The following BCAS4 variants were observed in gnomAD, a reference collection of about 807,000 sequenced individuals.
The protein encoded by BCAS4 is breast carcinoma amplified sequence 4.
A neutral mutation model predicts 15.7 loss-of-function variants in BCAS4; 9 were observed. That is an observed-to-expected ratio of 0.57 (90% CI 0.34 to 1.00). BCAS4 has a LOEUF of 1.00. Among genes scored for constraint, BCAS4 ranks in the 50% least tolerant of loss-of-function variants. The pLI is 0.02. For missense variants in BCAS4, 225 were observed against 239.1 expected, an observed-to-expected ratio of 0.94 and a Z score of 0.39; for synonymous variants, 101 against 99.5, an observed-to-expected ratio of 1.02 and a Z score of -0.09.
chr20:50,868,770 A>G (rs1410998645), intron 4 of BCAS4, among the ~76,000 whole-genome samples: 1 of 152,116 alleles, frequency 6.6e-6, no homozygotes, highest in Non-Finnish European at 1.5e-5. Flanking sequence ...AGCTCAGCAC[A>G]TTTACTCTCT....
downstream of BCAS4, chr20:50,881,126 G>A (rs1056732571): frequency 6.6e-6 from 1 of 152,124 alleles, no homozygotes; most frequent in Non-Finnish European, 1.5e-5. Flanking sequence ...CCAGCTACTT[G>A]GTGGGAGGTG....
chr20:50,845,232 T>A (rs1236767156), intron 4 of BCAS4, among the ~76,000 whole-genome samples: 3 of 152,108 alleles, frequency 2.0e-5, no homozygotes, highest in Admixed American at 2.0e-4. Context: ...GGCCCAGAGC[T>A]GGTGCCCTGC....
chr20:50,821,387 C>T (rs941074682), intron 2 of BCAS4, among the ~76,000 whole-genome samples: 10 of 152,210 alleles, frequency 6.6e-5, no homozygotes, highest in Middle Eastern at 3.2e-3. Flanking sequence ...TGCATGGGCA[C>T]GCTGTGCCAA....
downstream of BCAS4, chr20:50,881,317 A>G (rs1168504434): frequency 6.6e-6 from 1 of 152,222 alleles, no homozygotes. Flanking sequence ...AAAGAGGTCA[A>G]TTTGATTATA....
chr20:50,828,944 G>A lies in BCAS4; in HGVS notation c.163-1335G>A, dbSNP rs569977502. ...AACAGCTCATCCTCAGTATCCCAGC[G>A]AAAGAAGGACCATCGTCTTGCACCA... On this transcript the variant is annotated intron_variant, in intron 2 of 4. Transcript: ENST00000371608. Among the ~76,000 whole-genome samples, 12 of 152,314 alleles carry A rather than the reference G, an allele frequency of 7.9e-5. No individual in the cohort carries two copies. The South Asian group carries it at 1.7e-3, about 21-fold the overall frequency.
intron 3 of BCAS4, among the ~76,000 whole-genome samples, chr20:50,839,071 T>C (rs1308135497): frequency 6.6e-6 from 1 of 152,120 alleles, no homozygotes; most frequent in Non-Finnish European, 1.5e-5. Context: ...TTCATGGTAT[T>C]ATTGAAGGAG....
intron 1 of BCAS4, 132 bp downstream of exon 1, chr20:50,795,305 G>C: frequency 1.2e-6 from 1 of 826,140 alleles, no homozygotes; most frequent in Non-Finnish European, 1.6e-6. Flanking sequence ...CCTTCCTGAA[G>C]GGTGGCTGCG....
At chr20:50,816,510 G>A (rs577195733) in intron 1 of BCAS4, among the ~76,000 whole-genome samples, 10 of 152,324 alleles carry the variant, frequency 6.6e-5, no homozygotes, top group African/African-American at 2.2e-4. Context: ...CTTGGAAAAT[G>A]GAAAGATCTG....
chr20:50,814,157 A>T (rs59629485), intron 1 of BCAS4, among the ~76,000 whole-genome samples: 1 of 151,900 alleles, frequency 6.6e-6, no homozygotes, highest in Non-Finnish European at 1.5e-5. Flanking sequence ...CCCTTTGCTG[A>T]CCAGACAGTC....
intron 4 of BCAS4, among the ~76,000 whole-genome samples, chr20:50,867,789 G>A (rs1048832389): frequency 1.6e-4 from 25 of 152,154 alleles, no homozygotes; most frequent in African/African-American, 5.8e-4. Context: ...TGGCGCACGC[G>A]TGTAATCCCA....
chr20:50,862,659 G>A (rs1466787357), intron 4 of BCAS4, among the ~76,000 whole-genome samples: 1 of 152,080 alleles, frequency 6.6e-6, no homozygotes, highest in African/African-American at 2.4e-5. Flanking sequence ...GGGGCACAGG[G>A]GACAGTCCAG....
At chr20:50,810,917 G>A (rs2088053985) in intron 1 of BCAS4, among the ~76,000 whole-genome samples, 1 of 152,116 alleles carries the variant, frequency 6.6e-6, no homozygotes, top group Non-Finnish European at 1.5e-5. Flanking sequence ...GTTAGATGGT[G>A]ATAAATGCTA....
chr20:50,830,335 A>G lies in BCAS4; in HGVS notation c.219A>G (p.Lys73=). The G allele has an allele frequency of 6.2e-7, 1 of 1,614,014 alleles. No homozygotes were observed. Among genetic ancestry groups the G allele is most frequent in the Non-Finnish European group, 8.5e-7 (1 of 1,179,958 alleles). The part of the protein sequence containing the change: ...LEENIPVLKA[K]LTEMRGIYAK... ...AAAACATCCCAGTCCTTAAGGCCAA[A>G]CTGACAGAAATGCGTGGCATCTATG... The change falls in exon 3 of 5, where the codon AAA becomes AAG. Residue 73 remains lysine (K), a synonymous_variant. Transcript: ENST00000371608.
chr20:50,868,759 T>C (rs1979484628), intron 4 of BCAS4, among the ~76,000 whole-genome samples: 1 of 152,256 alleles, frequency 6.6e-6, no homozygotes, highest in Non-Finnish European at 1.5e-5. Flanking sequence ...GCTTGAGTCC[T>C]AGCTCAGCAC....
At chr20:50,806,645 C>T (rs1264122186) in intron 1 of BCAS4, among the ~76,000 whole-genome samples, 1 of 152,130 alleles carries the variant, frequency 6.6e-6, no homozygotes, top group African/African-American at 2.4e-5. Context: ...GAGCCTCGCT[C>T]ACTGGCCTCT....
chr20:50,863,570 T>C lies in BCAS4; in HGVS notation c.400-12916T>C, dbSNP rs1979204274. Among the ~76,000 whole-genome samples the C allele has an allele frequency of 1.3e-5, 2 of 152,166 alleles. 1 individual carries two copies. Among genetic ancestry groups the C allele is most frequent in the South Asian group, 4.1e-4 (2 of 4,830 alleles). On this transcript the variant is annotated intron_variant, in intron 4 of 4. Transcript: ENST00000371608. ...ATCACACCCGGCCTAGTTGGTGCTA[T>C]TTTCAATACTTTTTTGTGGAGCCAA...
chr20:50,838,135 A>G (rs1173610618), intron 3 of BCAS4, among the ~76,000 whole-genome samples: 1 of 152,030 alleles, frequency 6.6e-6, no homozygotes, highest in Non-Finnish European at 1.5e-5. Context: ...CTAAGGATAC[A>G]CTCACTCACT....
chr20:50,801,070 C>A (rs541906926), intron 1 of BCAS4, among the ~76,000 whole-genome samples: 1 of 152,134 alleles, frequency 6.6e-6, no homozygotes, highest in Admixed American at 6.6e-5. Context: ...CCTAACATGT[C>A]GCATCCTTTT....
At chr20:50,818,090 C>T (rs1174776831) in intron 1 of BCAS4, 121 bp from the exon 2 acceptor site, 5 of 870,248 alleles carry the variant, frequency 5.7e-6, no homozygotes, top group South Asian at 1.6e-5. Context: ...GGAAGGGGGT[C>T]GAGCAGGAAC....
Sources: allele counts gnomAD v4.1 joint callset (sites outside exome capture counted in the v4.1 genomes callset), GRCh38; gene constraint gnomAD v4.1.1; transcripts MANE v1.5; gene names NCBI Gene and HGNC (gene_info 2026-07-23, HGNC 2026-07-21).